TAF4B: variants seen among roughly 807,000 people sequenced by gnomAD.
TAF4B encodes transcription initiation factor TFIID subunit 4B.
Under a neutral mutation model 86.4 loss-of-function variants are expected in TAF4B, and 38 were observed. The observed-to-expected ratio is 0.44, with a 90% CI of 0.34 to 0.58. TAF4B has a LOEUF of 0.58. Ranked by LOEUF, TAF4B falls within the 20% of genes least tolerant of loss-of-function variation. TAF4B has a pLI of 0.02. For missense variants in TAF4B, 988 were observed against 1,027.6 expected, an observed-to-expected ratio of 0.96 and a Z score of 0.53; for synonymous variants, 388 against 391.2, an observed-to-expected ratio of 0.99 and a Z score of 0.10.
intron 1 of TAF4B, among the ~76,000 whole-genome samples, chr18:26,259,090 T>G (rs1351660545): frequency 1.3e-5 from 2 of 152,060 alleles, no homozygotes; most frequent in African/African-American, 2.4e-5. Flanking sequence ...TGCGTTTAGC[T>G]TACTTGGGGT....
intron 1 of TAF4B, among the ~76,000 whole-genome samples, chr18:26,252,592 A>C (rs1001928643): frequency 6.6e-6 from 1 of 152,038 alleles, no homozygotes; most frequent in African/African-American, 2.4e-5. Flanking sequence ...TCCTGCCTGA[A>C]ATGTGAATCA....
At chr18:26,358,438 A>C (rs536283198) in intron 14 of TAF4B, among the ~76,000 whole-genome samples, 57 of 152,302 alleles carry the variant, frequency 3.7e-4, no homozygotes, top group East Asian at 1.9e-3. Context: ...GGGCCGGGCG[A>C]GGTGGCTCAC....
At chr18:26,379,705 A>G (rs1371260991) in intron 14 of TAF4B, among the ~76,000 whole-genome samples, 1 of 152,064 alleles carries the variant, frequency 6.6e-6, no homozygotes, top group Non-Finnish European at 1.5e-5. Context: ...TTTTAGAATC[A>G]TCTTGTCATT....
chr18:26,227,334 A>C, intron 1 of TAF4B, 58 bp downstream of exon 1: 1 of 1,525,768 alleles, frequency 6.6e-7, no homozygotes, highest in South Asian at 1.2e-5. Flanking sequence ...CGACGGGAAA[A>C]TTCGCAGCTC....
At chr18:26,281,847 C>T (rs1278207299) in intron 5 of TAF4B, 124 bp from the exon 6 acceptor site, 2 of 632,184 alleles carry the variant, frequency 3.2e-6, no homozygotes, top group African/African-American at 1.8e-5. Flanking sequence ...AAGAAAAAAG[C>T]CTATATTTAA....
At chr18:26,245,252 C>A (rs1257003252) in intron 1 of TAF4B, among the ~76,000 whole-genome samples, 1 of 152,068 alleles carries the variant, frequency 6.6e-6, no homozygotes, top group African/African-American at 2.4e-5. Context: ...TGAACAAGCC[C>A]CCAAGATGTG....
intron 14 of TAF4B, among the ~76,000 whole-genome samples, chr18:26,388,018 A>G (rs1185943215): frequency 6.6e-6 from 1 of 152,208 alleles, no homozygotes; most frequent in East Asian, 1.9e-4. Flanking sequence ...GGAAGGAGTA[A>G]TTAAAATTTA....
chr18:26,285,222 G>GTTTTTGTTTTTTT, intron 6 of TAF4B, among the ~76,000 whole-genome samples: 3 of 45,688 alleles, frequency 6.6e-5, no homozygotes, highest in Non-Finnish European at 9.0e-5. Flanking sequence ...TTTTTTTTTT[G>GTTTTTGTTTTTTT]TTTTTTTTTT....
chr18:26,344,551 A>G (rs1183879371), intron 13 of TAF4B, among the ~76,000 whole-genome samples: 2 of 152,218 alleles, frequency 1.3e-5, no homozygotes, highest in South Asian at 2.1e-4. Flanking sequence ...CTGTAAGACT[A>G]TTAAGGAAAT....
At chr18:26,232,745 C>T (rs933673097) in intron 1 of TAF4B, among the ~76,000 whole-genome samples, 3 of 152,178 alleles carry the variant, frequency 2.0e-5, no homozygotes, top group South Asian at 2.1e-4. Flanking sequence ...TAGGCCTCAG[C>T]GGTTTTGGAG....
intron 12 of TAF4B, among the ~76,000 whole-genome samples, chr18:26,328,255 C>T (rs2057021885): frequency 6.6e-6 from 1 of 152,046 alleles, no homozygotes; most frequent in African/African-American, 2.4e-5. Context: ...TCGAGACTAT[C>T]CTGGCCAACA....
chr18:26,345,724 T>C (rs1270028865), intron 13 of TAF4B, among the ~76,000 whole-genome samples: 1 of 152,164 alleles, frequency 6.6e-6, no homozygotes, highest in Non-Finnish European at 1.5e-5. Context: ...GCGACTTTTC[T>C]ACCACATGAA....
intron 9 of TAF4B, among the ~76,000 whole-genome samples, chr18:26,303,710 T>A (rs1240536584): frequency 6.7e-6 from 1 of 150,210 alleles, no homozygotes; most frequent in Non-Finnish European, 1.5e-5. Context: ...TCATACTCCT[T>A]GGCTCTACTT....
intron 1 of TAF4B, among the ~76,000 whole-genome samples, chr18:26,243,794 C>T (rs2055879552): frequency 6.6e-6 from 1 of 152,078 alleles, no homozygotes; most frequent in Non-Finnish European, 1.5e-5. Flanking sequence ...GTTAGTTTTC[C>T]TTCTAACAGT....
chr18:26,299,003 A>C (rs1374847163), intron 9 of TAF4B, among the ~76,000 whole-genome samples: 1 of 151,898 alleles, frequency 6.6e-6, no homozygotes, highest in African/African-American at 2.4e-5. Flanking sequence ...CTGGGATTAC[A>C]GGCATGTGTC....
At chr18:26,271,699 G>A (rs1189193783) in intron 3 of TAF4B, among the ~76,000 whole-genome samples, 1 of 152,028 alleles carries the variant, frequency 6.6e-6, no homozygotes, top group East Asian at 1.9e-4. Context: ...CTAGGCAGGT[G>A]GATCACCTGA....
intron 13 of TAF4B, among the ~76,000 whole-genome samples, chr18:26,345,270 G>C (rs2144713327): frequency 6.6e-6 from 1 of 152,304 alleles, no homozygotes; most frequent in Non-Finnish European, 1.5e-5. Context: ...TCTCGGGCCT[G>C]AGAGACCAAG....
rs552320509 is a variant in TAF4B, at chr18:26,263,460, T to C, written c.344-1710T>C. ...TTGTCTATGTAGATATGAAGTGATA[T>C]TTCACTGTGGTCTTAATTTACCTTT... On this transcript the variant is annotated intron_variant, in intron 1 of 14. Transcript: ENST00000269142. Among the ~76,000 whole-genome samples the C allele has an allele frequency of 2.6e-5, 4 of 152,316 alleles. No homozygotes were observed. The South Asian group carries it at 8.3e-4, about 32-fold the overall frequency.
chr18:26,386,531 A>G (rs754704803), intron 14 of TAF4B, among the ~76,000 whole-genome samples: 2 of 152,124 alleles, frequency 1.3e-5, no homozygotes, highest in Non-Finnish European at 2.9e-5. Context: ...TCAAGAAGGA[A>G]ACATCACCAG....
Sources: gnomAD v4.1 joint callset for allele counts (sites outside exome capture counted in the v4.1 genomes callset) on GRCh38, gnomAD v4.1.1 for gene constraint, MANE v1.5 for transcripts, NCBI Gene and HGNC (gene_info 2026-07-23, HGNC 2026-07-21) for gene names.